The following ICA1 variants were observed in gnomAD, a reference collection of about 807,000 sequenced individuals.
ICA1 encodes the protein 69 kDa islet cell autoantigen.
In ICA1, 40 loss-of-function variants were observed where a neutral mutation model predicts 71.0. The ratio of observed to expected loss-of-function variants is 0.56; its 90% confidence interval spans 0.44 to 0.73. The LOEUF is 0.73. ICA1 is among the 30% of genes least tolerant of loss of function. The probability of loss-of-function intolerance (pLI) is 0.00; values close to 1 mark genes in which losing one functional copy is unlikely to be tolerated. For missense variants in ICA1, 578 were observed against 576.5 expected, an observed-to-expected ratio of 1.00 and a Z score of -0.03; for synonymous variants, 207 against 209.5, an observed-to-expected ratio of 0.99 and a Z score of 0.10.
chr7:8,237,174 T>C (rs1213152382), intron 1 of ICA1, among the ~76,000 whole-genome samples: 2 of 152,144 alleles, frequency 1.3e-5, no homozygotes, highest in African/African-American at 4.8e-5. Context: ...AGCATCCAAA[T>C]ATCTGGACGA....
intron 5 of ICA1, chr7:8,219,099 C>T (rs1369090801): frequency 6.3e-6 from 1 of 158,852 alleles, no homozygotes; most frequent in Admixed American, 5.8e-5. Context: ...TTAAAAAAAC[C>T]TTGAGGATAC....
intron 6 of ICA1, among the ~76,000 whole-genome samples, chr7:8,199,538 C>G (rs4720769): frequency 0.46 from 70,088 of 151,912 alleles, 20,073 homozygotes; most frequent in South Asian, 0.72. Context: ...TGGTGAAACC[C>G]TGTCTCTACT....
chr7:8,221,831 T>C (rs948010662), intron 4 of ICA1, among the ~76,000 whole-genome samples: 7 of 152,178 alleles, frequency 4.6e-5, no homozygotes, highest in African/African-American at 1.7e-4. Flanking sequence ...TGAGTTACAT[T>C]CTATTCCATT....
chr7:8,145,764 A>ATATATATATATATATATATATATATATT, intron 8 of ICA1, among the ~76,000 whole-genome samples: 1 of 136,310 alleles, frequency 7.3e-6, no homozygotes, highest in East Asian at 2.0e-4. Flanking sequence ...ATATATATAT[A>ATATATATATATATATATATATATATATT]TATGTATATA....
At chr7:8,135,026 AT>A (rs951839314) in intron 12 of ICA1, among the ~76,000 whole-genome samples, 66 of 30,334 alleles carry the variant, frequency 2.2e-3, no homozygotes, top group Admixed American at 3.6e-3. Flanking sequence ...TCTTTATAGA[AT>A]TTTTTTTATT....
At position 8,168,527 on chromosome 7, in the gene ICA1, C is replaced by T. The variant is rs1262459030; in HGVS notation, c.580-9875G>A. On this transcript the variant is annotated intron_variant, in intron 6 of 13. Transcript: ENST00000402384. ...CTACCACCATTGACCACGTGACTGACAGTATTCTGAGATGTGCACAAAATG... is the reference window on the plus strand; with the variant it reads ...CTACCACCATTGACCACGTGACTGATAGTATTCTGAGATGTGCACAAAATG... 2.6e-5 allele frequency among the ~76,000 whole-genome samples: 4 copies of T among 152,250 alleles called. No individual in the cohort carries two copies. In the East Asian group the frequency reaches 5.8e-4, roughly 22 times the overall value.
chr7:8,160,761 A>G (rs184461639), intron 6 of ICA1, among the ~76,000 whole-genome samples: 60 of 152,354 alleles, frequency 3.9e-4, no homozygotes, highest in Admixed American at 7.8e-4. Flanking sequence ...CAAACTGACC[A>G]TACCATGAGC....
intron 3 of ICA1, among the ~76,000 whole-genome samples, chr7:8,232,298 C>T (rs1421973425): frequency 2.6e-5 from 4 of 152,202 alleles, no homozygotes; most frequent in Admixed American, 6.5e-5. Flanking sequence ...TCAGCTCTGA[C>T]CAGCAAGCAG....
intron 6 of ICA1, among the ~76,000 whole-genome samples, chr7:8,159,026 A>C (rs1480627450): frequency 6.6e-6 from 1 of 152,220 alleles, no homozygotes; most frequent in Non-Finnish European, 1.5e-5. Context: ...GAGTTCCCTC[A>C]TACCCTTCAC....
At chr7:8,259,647 C>G (rs867427763) in intron 1 of ICA1, among the ~76,000 whole-genome samples, 1 of 152,128 alleles carries the variant, frequency 6.6e-6, no homozygotes, top group East Asian at 1.9e-4. Context: ...GGTGGATATT[C>G]CTGTTCTGTA....
intron 13 of ICA1, among the ~76,000 whole-genome samples, chr7:8,122,698 G>A (rs1322253269): frequency 3.3e-5 from 5 of 152,234 alleles, no homozygotes; most frequent in South Asian, 2.1e-4. Flanking sequence ...AAGGTGAAAC[G>A]GAGATAACCC....
chr7:8,219,574 G>C (rs540124450), intron 5 of ICA1, among the ~76,000 whole-genome samples: 168 of 152,282 alleles, frequency 1.1e-3, no homozygotes, highest in African/African-American at 3.5e-3. Context: ...TAAATATTGA[G>C]TACTTGTATA....
At chr7:8,170,616 A>G (rs1341046218) in intron 6 of ICA1, among the ~76,000 whole-genome samples, 1 of 152,002 alleles carries the variant, frequency 6.6e-6, no homozygotes, top group African/African-American at 2.4e-5. Flanking sequence ...TCAATTGCTA[A>G]TTGTTCATTA....
At position 8,218,375 on chromosome 7, in the gene ICA1, A is replaced by T. The variant is rs1796018274; in HGVS notation, c.509T>A (p.Leu170Gln). 1 of 1,614,034 alleles carries T rather than the reference A, an allele frequency of 6.2e-7. No individual in the cohort carries two copies. The highest frequency in any genetic ancestry group is 1.3e-5 in the African/African-American group (1 of 74,938). The change falls in exon 6 of 14, where the codon CTA becomes CAA. Residue 170 changes from leucine (L) to glutamine (Q), a missense_variant. By Grantham distance (113) the Leu-to-Gln change is moderately radical (BLOSUM62 -2). Coordinates refer to ENST00000402384, the MANE Select transcript of ICA1 (RefSeq NM_001136020.3). ...EQCRTEYRGALLWMKDVSQEL... is the reference protein window; with the variant it reads ...EQCRTEYRGAQLWMKDVSQEL... Reference sequence around the variant, plus strand: ...CTGAGACACGTCCTTCATCCATAATAGTGCTCCTCTATATTCCGTCCTGCA... The same window carrying T: ...CTGAGACACGTCCTTCATCCATAATTGTGCTCCTCTATATTCCGTCCTGCA...
rs1227951518 is a variant in ICA1, at chr7:8,113,958, T to C, written c.1417A>G (p.Lys473Glu). Residue 473 changes from lysine (K) to glutamate (E), a missense_variant, in exon 14 of 14, where the codon AAA becomes GAA. By Grantham distance (56) the Lys-to-Glu change is moderately conservative (BLOSUM62 1). Coordinates refer to ENST00000402384, the MANE Select transcript of ICA1 (RefSeq NM_001136020.3). The surrounding 1 kb of genome is among the most constrained non-coding windows in gnomAD (Gnocchi z 4.2). ...AGCAATTCGTGTTCTTTATCGGTTT[T>C]CCCAACAGCATCAGGATTTGAGAGT... ...DPLSNPDAVG[K>E]TDKEHELLNA 11 of 1,614,170 alleles carry C rather than the reference T, an allele frequency of 6.8e-6. No homozygotes were observed. The highest frequency in any genetic ancestry group is 1.3e-5 in the African/African-American group (1 of 75,036).
intron 6 of ICA1, among the ~76,000 whole-genome samples, chr7:8,181,515 G>A (rs180841176): frequency 1.4e-4 from 22 of 152,192 alleles, no homozygotes; most frequent in African/African-American, 5.3e-4. Context: ...TTACTAGCAG[G>A]ATTTTGAATG....
intron 1 of ICA1, among the ~76,000 whole-genome samples, chr7:8,250,085 A>G (rs556231852): frequency 1.3e-5 from 2 of 152,336 alleles, no homozygotes; most frequent in African/African-American, 4.8e-5. Context: ...TGAACAGGGG[A>G]AATACTGATT....
At chr7:8,169,474 C>T (rs563286136) in intron 6 of ICA1, among the ~76,000 whole-genome samples, 4 of 152,210 alleles carry the variant, frequency 2.6e-5, no homozygotes, top group Admixed American at 1.3e-4. Context: ...TTTTGTATTC[C>T]TACCAGCAAT....
At chr7:8,137,204 A>AT (rs1294795578) in intron 12 of ICA1, among the ~76,000 whole-genome samples, 5 of 152,268 alleles carry the variant, frequency 3.3e-5, no homozygotes, top group Admixed American at 6.5e-5. Flanking sequence ...TTTACTGTGT[A>AT]TTTTTTTATT....
Sources: allele counts gnomAD v4.1 joint callset (sites outside exome capture counted in the v4.1 genomes callset), GRCh38; gene constraint gnomAD v4.1.1; non-coding constraint Gnocchi (gnomAD v3.1); transcripts MANE v1.5; gene names NCBI Gene and HGNC (gene_info 2026-07-23, HGNC 2026-07-21).